The following KALRN variants were observed in gnomAD, a reference collection of about 807,000 sequenced individuals.
The protein encoded by KALRN is kalirin.
Under a neutral mutation model 353.7 loss-of-function variants are expected in KALRN, and 70 were observed. The ratio of observed to expected loss-of-function variants is 0.20; its 90% CI spans 0.16 to 0.24. KALRN has a LOEUF of 0.24. KALRN is among the 10% of genes least tolerant of loss of function. The pLI, the probability that KALRN is intolerant of heterozygous loss-of-function variation, is 1.00. For synonymous variants in KALRN, 1,391 were observed against 1,434.8 expected (o/e 0.97, Z 0.69); for missense variants, 2,791 against 3,756.7 (o/e 0.74, Z 6.72).
chr3:124,154,343 A>T (rs1177270009), intron 1 of KALRN, among the ~76,000 whole-genome samples: 5 of 152,202 alleles, frequency 3.3e-5, no homozygotes, highest in African/African-American at 1.2e-4. Context: ...AGATGACATG[A>T]TTGTATATCT....
At chr3:124,283,168 A>G (rs2075518088) in intron 5 of KALRN, among the ~76,000 whole-genome samples, 1 of 152,234 alleles carries the variant, frequency 6.6e-6, no homozygotes, top group Non-Finnish European at 1.5e-5. Context: ...TGGGAGGACT[A>G]GATGAGAACA....
chr3:124,633,935 C>T lies in KALRN; in HGVS notation c.5550C>T (p.Asp1850=), dbSNP rs1467572793. Residue 1850 remains aspartate (D), a synonymous_variant, in exon 36 of 60, where the codon GAC becomes GAT. Transcript: ENST00000682506. ...LPPPMKIFDN[D]PTQDEMSSSL... ...CACCTATGAAGATTTTTGACAACGA[C>T]CCTACACAGGATGAAATGGTAGAAC... is the stretch of plus-strand genomic sequence containing the variant. The T allele has an allele frequency of 1.2e-6, 2 of 1,613,812 alleles. No individual in the cohort carries two copies. Among genetic ancestry groups the T allele is most frequent in the East Asian group, 4.5e-5 (2 of 44,870 alleles).
intron 34 of KALRN, among the ~76,000 whole-genome samples, chr3:124,623,208 C>T (rs560694009): frequency 1.5e-4 from 23 of 151,200 alleles, no homozygotes; most frequent in Non-Finnish European, 5.9e-5. Flanking sequence ...TGGTCTCAAA[C>T]TCCTGGGCTC....
At chr3:124,625,475 G>T (rs999372862) in intron 34 of KALRN, among the ~76,000 whole-genome samples, 2 of 151,836 alleles carry the variant, frequency 1.3e-5, no homozygotes, top group South Asian at 2.1e-4. Context: ...TAATCCTAGC[G>T]CTTTGAAGGC....
At chr3:124,595,872 A>G (rs2076218462) in intron 34 of KALRN, among the ~76,000 whole-genome samples, 1 of 152,194 alleles carries the variant, frequency 6.6e-6, no homozygotes, top group Non-Finnish European at 1.5e-5. Flanking sequence ...CCTTTAATTC[A>G]TAGGATATAG....
In KALRN at chr3:124,659,362, C is replaced by A; in HGVS notation, c.6124-3C>A. 1.9e-6 allele frequency: 3 copies of A among 1,605,812 alleles called. No homozygotes were observed. Among genetic ancestry groups the A allele is most frequent in the Non-Finnish European group, 2.6e-6 (3 of 1,172,492 alleles). ...TCTTCTAATATTGCTGCCTGTGTTT[C>A]AGGAGGTAAAACAGGAGATAAATCA... On this transcript the variant is annotated splice_region_variant and splice_polypyrimidine_tract_variant and intron_variant, in intron 42 of 59. Coordinates refer to ENST00000682506, the MANE Select transcript of KALRN (RefSeq NM_001388419.1).
At chr3:124,091,839 A>G (rs2061138346) in intron 1 of KALRN, among the ~76,000 whole-genome samples, 1 of 152,208 alleles carries the variant, frequency 6.6e-6, no homozygotes, top group South Asian at 2.1e-4. Context: ...AAACCTACTA[A>G]TAAGGCTGTG....
At chr3:124,614,565 C>T (rs373225568) in intron 34 of KALRN, among the ~76,000 whole-genome samples, 1 of 141,622 alleles carries the variant, frequency 7.1e-6, no homozygotes, top group South Asian at 2.3e-4. Context: ...TGGCTTTTTT[C>T]TTTTTTTTTT....
At chr3:124,464,430 A>G (rs1298135485) in intron 25 of KALRN, among the ~76,000 whole-genome samples, 2 of 152,186 alleles carry the variant, frequency 1.3e-5, no homozygotes, top group South Asian at 4.1e-4. Flanking sequence ...CATGGTAAAC[A>G]GTTTTGTAGT....
chr3:124,621,091 C>A (rs1431365431), intron 34 of KALRN, among the ~76,000 whole-genome samples: 1 of 152,142 alleles, frequency 6.6e-6, no homozygotes, highest in Non-Finnish European at 1.5e-5. Context: ...CTGTTGAGGG[C>A]CAATGTCCCA....
rs1559749903 is a variant in KALRN, at chr3:124,642,808, T to TTTTTTTTTTTTGTTGTTTTTG, written c.5664+5516_5664+5517insGTTGTTTTTGTTTTTTTTTTT. Among the ~76,000 whole-genome samples, 75 of 126,880 alleles carry TTTTTTTTTTTTGTTGTTTTTG rather than the reference T, an allele frequency of 5.9e-4. 1 individual carries two copies. Among genetic ancestry groups the TTTTTTTTTTTTGTTGTTTTTG allele is most frequent in the African/African-American group, 2.4e-3 (71 of 29,068 alleles). The allele number at this position is 126,880 out of a possible 152,430, so 83.2% of individuals were successfully genotyped here. ...TGTGGAAGAGATTCCCAAGCCTCGTTTTTTTTTTTTTTTTTTTTGAGACGG... is the reference window on the plus strand; with the variant it reads ...TGTGGAAGAGATTCCCAAGCCTCGTTTTTTTTTTTTTGTTGTTTTTGTTTTTTTTTTTTTTTTTTGAGACGG... On this transcript the variant is annotated intron_variant, in intron 37 of 59. Coordinates refer to ENST00000682506, the MANE Select transcript of KALRN (RefSeq NM_001388419.1).
intron 33 of KALRN, among the ~76,000 whole-genome samples, chr3:124,511,413 A>G (rs1031303007): frequency 6.6e-6 from 1 of 152,152 alleles, no homozygotes; most frequent in Non-Finnish European, 1.5e-5. Context: ...TTCCATCCAC[A>G]GCTTTGTCTG....
At chr3:124,275,170 G>A (rs191925242) in intron 5 of KALRN, among the ~76,000 whole-genome samples, 6 of 152,292 alleles carry the variant, frequency 3.9e-5, no homozygotes, top group African/African-American at 4.8e-5. Context: ...GGGTGGCCAC[G>A]GTCATGGTGG....
chr3:124,623,185 A>G (rs183896133), intron 34 of KALRN, among the ~76,000 whole-genome samples: 1 of 138,678 alleles, frequency 7.2e-6, no homozygotes, highest in African/African-American at 2.7e-5. Flanking sequence ...TCATTCTGCT[A>G]TGTTGCCCAG....
chr3:124,496,556 G>C (rs918138826), intron 33 of KALRN, 143 bp downstream of exon 33: 1 of 645,632 alleles, frequency 1.5e-6, no homozygotes, highest in Non-Finnish European at 2.8e-6. Context: ...AAGGAGGAAA[G>C]AACAGGGCTG....
intron 1 of KALRN, chr3:124,094,901 C>A (rs2061337270): frequency 1.2e-6 from 2 of 1,613,632 alleles, no homozygotes; most frequent in Non-Finnish European, 1.7e-6. Context: ...GCTGCTGGAT[C>A]GAGGTATCCT....
At chr3:124,672,981 G>C (rs1297299750) in intron 48 of KALRN, among the ~76,000 whole-genome samples, 1 of 152,206 alleles carries the variant, frequency 6.6e-6, no homozygotes, top group Non-Finnish European at 1.5e-5. Context: ...GTTCAATCCT[G>C]TATTAGAGTA....
intron 10 of KALRN, among the ~76,000 whole-genome samples, chr3:124,368,790 G>A (rs1003048790): frequency 3.3e-5 from 5 of 151,930 alleles, no homozygotes; most frequent in South Asian, 4.2e-4. Context: ...CTGAGTGAAC[G>A]AGACTCCGTC....
At chr3:124,558,914 C>G (rs762230897) in intron 33 of KALRN, among the ~76,000 whole-genome samples, 9 of 152,238 alleles carry the variant, frequency 5.9e-5, no homozygotes, top group Non-Finnish European at 1.2e-4. Flanking sequence ...ATTGGGAAAC[C>G]ATCACAGAAT....
Sources: gnomAD v4.1 joint callset for allele counts (sites outside exome capture counted in the v4.1 genomes callset) on GRCh38, gnomAD v4.1.1 for gene constraint, MANE v1.5 for transcripts, NCBI Gene and HGNC (gene_info 2026-07-23, HGNC 2026-07-21) for gene names.